The following MECOM variants were observed in gnomAD, a reference collection of about 807,000 sequenced individuals.
MECOM encodes the protein MDS1 and EVI1 complex locus, also known as histone-lysine N-methyltransferase MECOM.
In MECOM, 13 loss-of-function variants were observed where a neutral mutation model predicts 116.3. That is an observed-to-expected ratio of 0.11 (90% CI 0.07 to 0.18). The LOEUF (loss-of-function observed/expected upper bound fraction) is 0.18, where lower values mean the gene tolerates loss of function less well. MECOM is among the 10% of genes least tolerant of loss of function. MECOM has a pLI of 1.00. For missense variants in MECOM, 1,299 were observed against 1,509.0 expected (o/e 0.86, Z 2.31); for synonymous variants, 528 against 535.2 (o/e 0.99, Z 0.19).
At chr3:169,215,969 G>A (rs1751376993) in intron 2 of MECOM, among the ~76,000 whole-genome samples, 1 of 152,212 alleles carries the variant, frequency 6.6e-6, no homozygotes, top group African/African-American at 2.4e-5. Context: ...GCCAGGAATA[G>A]TTTGATATGA....
At chr3:169,546,964 A>T (rs1217921301) in intron 1 of MECOM, among the ~76,000 whole-genome samples, 1 of 152,162 alleles carries the variant, frequency 6.6e-6, no homozygotes, top group Non-Finnish European at 1.5e-5. Context: ...CACAGTATAA[A>T]TTTTTTATAA....
At chr3:169,096,948 G>C (rs1442083580) in intron 12 of MECOM, among the ~76,000 whole-genome samples, 1 of 125,570 alleles carries the variant, frequency 8.0e-6, no homozygotes, top group Non-Finnish European at 1.6e-5. Flanking sequence ...TATGGTAGTT[G>C]TAATATTTTA....
chr3:169,429,746 C>A (rs755767831), intron 1 of MECOM, among the ~76,000 whole-genome samples: 1 of 152,186 alleles, frequency 6.6e-6, no homozygotes, highest in Non-Finnish European at 1.5e-5. Flanking sequence ...TCACTAATCC[C>A]TCTTAGTCTC....
At chr3:169,555,831 C>T (rs993196792) in intron 1 of MECOM, among the ~76,000 whole-genome samples, 2 of 152,196 alleles carry the variant, frequency 1.3e-5, no homozygotes, top group African/African-American at 4.8e-5. Flanking sequence ...CTTATCTTCT[C>T]CCAACACGCA....
At chr3:169,515,993 T>G (rs1039055518) in intron 1 of MECOM, among the ~76,000 whole-genome samples, 5 of 152,196 alleles carry the variant, frequency 3.3e-5, no homozygotes, top group African/African-American at 1.2e-4. Flanking sequence ...AACTTCCTTC[T>G]TCCCAAAATA....
chr3:169,516,327 C>T (rs1398440583), intron 1 of MECOM, among the ~76,000 whole-genome samples: 3 of 152,116 alleles, frequency 2.0e-5, no homozygotes, highest in Non-Finnish European at 4.4e-5. Context: ...AACTGACCCT[C>T]AACAAAAATT....
chr3:169,318,729 AACCAGAAAT>A (rs1413160472), intron 2 of MECOM, among the ~76,000 whole-genome samples: 1 of 152,190 alleles, frequency 6.6e-6, no homozygotes, highest in African/African-American at 2.4e-5. Context: ...CAGGATCTAA[AACCAGAAAT>A]ACCATTTGAC....
At chr3:169,170,458 A>G (rs1744253173) in intron 2 of MECOM, among the ~76,000 whole-genome samples, 1 of 151,926 alleles carries the variant, frequency 6.6e-6, no homozygotes, top group Non-Finnish European at 1.5e-5. Context: ...TTCTCTCAGA[A>G]GCAACCCTCG....
Position 169,084,988 on chromosome 3 carries a change from TG to T in MECOM, c.3640del (p.His1214ThrfsTer23). 6.2e-7 allele frequency: 1 copy of T among 1,614,014 alleles called. No individual in the cohort carries two copies. Among genetic ancestry groups the T allele is most frequent in the Non-Finnish European group, 8.5e-7 (1 of 1,179,988 alleles). On this transcript the variant is annotated frameshift_variant, in exon 17 of 17. Transcript: ENST00000651503. LOFTEE classifies it high-confidence loss of function. The stretch of plus-strand genomic sequence containing the variant: ...ACTGTGCCACACGTTGGAAGAACTG[TG>T]GGATGTAGAATGGAGGGACTCCTTG... ...SDKESLHSTSHSSSNVWHSMA... is the reference protein window; with the variant it reads ...SDKESLHSTSXSSSNVWHSMA...
At chr3:169,112,743 C>T (rs570029083) in intron 9 of MECOM, 44 bp downstream of exon 9, 2 of 1,452,526 alleles carry the variant, frequency 1.4e-6, no homozygotes, top group South Asian at 2.3e-5. Flanking sequence ...TCAGGATCAA[C>T]AAGTTAGTTT....
intron 1 of MECOM, chr3:169,463,832 T>C (rs1334239219): frequency 1.3e-5 from 2 of 152,190 alleles, no homozygotes; most frequent in African/African-American, 4.8e-5. Flanking sequence ...TGTCATGGTG[T>C]CAGATATCAA....
chr3:169,290,042 C>T (rs1351488257), intron 2 of MECOM, among the ~76,000 whole-genome samples: 1 of 152,100 alleles, frequency 6.6e-6, no homozygotes, highest in African/African-American at 2.4e-5. Context: ...TTAGACTACA[C>T]CTTGAGAAGC....
At chr3:169,129,743 A>G (rs1486227806) in intron 4 of MECOM, among the ~76,000 whole-genome samples, 2 of 152,180 alleles carry the variant, frequency 1.3e-5, no homozygotes, top group Non-Finnish European at 2.9e-5. Context: ...GAAAAAGCCT[A>G]GGTATCAGAG....
At chr3:169,291,007 A>G (rs1450494108) in intron 2 of MECOM, among the ~76,000 whole-genome samples, 1 of 152,180 alleles carries the variant, frequency 6.6e-6, no homozygotes, top group African/African-American at 2.4e-5. Flanking sequence ...GTTACCAGCC[A>G]CCTGCCTACT....
Position 169,115,632 on chromosome 3 carries a change from T to C in MECOM, c.2240A>G (p.Lys747Arg). The change falls in exon 8 of 17, where the codon AAG becomes AGG. Residue 747 changes from lysine (K) to arginine (R), a missense_variant. By Grantham distance (26) the Lys-to-Arg change is conservative. Transcript: ENST00000651503. ...AGTCAAGGGCTTCTCATCCTTTCGCTTAGTGGTGAGATCAAAGGGGGACTC... is the reference window on the plus strand; with the variant it reads ...AGTCAAGGGCTTCTCATCCTTTCGCCTAGTGGTGAGATCAAAGGGGGACTC... ...SSESPFDLTT[K>R]RKDEKPLTPV... is the part of the protein sequence containing the mutation. 1 of 1,614,088 alleles carries C rather than the reference T, an allele frequency of 6.2e-7. No homozygotes were observed. The highest frequency in any genetic ancestry group is 8.5e-7 in the Non-Finnish European group (1 of 1,180,014).
Position 169,149,234 on chromosome 3 carries a change from C to A in MECOM, c.376-5402G>T, listed in dbSNP as rs566189801. Reference sequence around the variant, plus strand: ...GAACCGATTGCTTCAGACAGTGCGGCCTGATCAGGGGGTCTGGGAGCTCAG... The same window carrying A: ...GAACCGATTGCTTCAGACAGTGCGGACTGATCAGGGGGTCTGGGAGCTCAG... On this transcript the variant is annotated intron_variant, in intron 2 of 16. Transcript: ENST00000651503. Among the ~76,000 whole-genome samples the A allele has an allele frequency of 2.6e-5, 4 of 152,176 alleles. No individual in the cohort carries two copies. The East Asian group carries it at 7.7e-4, about 29-fold the overall frequency.
intron 2 of MECOM, among the ~76,000 whole-genome samples, chr3:169,262,576 G>T (rs1757695535): frequency 6.6e-6 from 1 of 152,086 alleles, no homozygotes; most frequent in African/African-American, 2.4e-5. Context: ...GTTAGGCTGG[G>T]CTCTTTAGAG....
intron 1 of MECOM, among the ~76,000 whole-genome samples, chr3:169,536,134 T>A (rs1027710606): frequency 5.3e-5 from 8 of 152,172 alleles, no homozygotes; most frequent in Non-Finnish European, 1.2e-4. Flanking sequence ...CCTTGCCTTG[T>A]TCTGTCCTCT....
intron 2 of MECOM, among the ~76,000 whole-genome samples, chr3:169,353,883 C>T (rs765404393): frequency 3.3e-5 from 5 of 151,714 alleles, no homozygotes; most frequent in Non-Finnish European, 7.4e-5. Flanking sequence ...TATGACATTT[C>T]CCCCCAGTTC....
Sources: gnomAD v4.1 joint callset for allele counts (sites outside exome capture counted in the v4.1 genomes callset) on GRCh38, gnomAD v4.1.1 for gene constraint, MANE v1.5 for transcripts, NCBI Gene and HGNC (gene_info 2026-07-23, HGNC 2026-07-21) for gene names.